Variants in TRIP12 observed in about 807,000 individuals in gnomAD.
TRIP12 encodes the protein E3 ubiquitin-protein ligase TRIP12.
A neutral mutation model predicts 244.2 loss-of-function variants in TRIP12; 25 were observed. The ratio of observed to expected loss-of-function variants is 0.10; its 90% CI spans 0.07 to 0.14. TRIP12 has a LOEUF of 0.14. Among genes scored for constraint, TRIP12 ranks in the 10% least tolerant of loss-of-function variants. The pLI, the probability that TRIP12 is intolerant of heterozygous loss-of-function variation, is 1.00. For synonymous variants in TRIP12, 905 were observed against 873.1 expected, an observed-to-expected ratio of 1.04 and a Z score of -0.64; for missense variants, 1,677 against 2,486.4, an observed-to-expected ratio of 0.67 and a Z score of 6.92.
intron 1 of TRIP12, among the ~76,000 whole-genome samples, chr2:229,884,205 TAAAC>T (rs942554884): frequency 2.0e-5 from 3 of 151,378 alleles, no homozygotes; most frequent in African/African-American, 7.3e-5. Context: ...AAGGAAAACT[TAAAC>T]TAAAAACATT....
chr2:229,862,068 G>A (rs907734201), intron 2 of TRIP12, among the ~76,000 whole-genome samples: 2 of 151,802 alleles, frequency 1.3e-5, no homozygotes, highest in Non-Finnish European at 2.9e-5. Context: ...TTTATTTTTT[G>A]GTGTTTCAGA....
rs537366658 is a variant in TRIP12, at chr2:229,901,317, G to A, written c.-50+20563C>T. Among the ~76,000 whole-genome samples, 9 of 151,896 alleles carry A rather than the reference G, an allele frequency of 5.9e-5. No individual in the cohort carries two copies. The South Asian group carries it at 8.3e-4, about 14-fold the overall frequency. On this transcript the variant is annotated intron_variant, in intron 1 of 41. Coordinates refer to ENST00000675903, the MANE Select transcript of TRIP12 (RefSeq NM_001348323.3). ...GTATTACATAATAAGGAAAACTTTG[G>A]CCAGGCGCAGTGGCTCACTTTGGCC... is the stretch of plus-strand genomic sequence containing the variant.
chr2:229,796,851 T>A, intron 24 of TRIP12, 69 bp from the exon 25 acceptor site: 1 of 1,368,792 alleles, frequency 7.3e-7, no homozygotes, highest in Non-Finnish European at 9.9e-7. Flanking sequence ...AACTCACATA[T>A]CCTCAAAAGG....
intron 4 of TRIP12, among the ~76,000 whole-genome samples, chr2:229,848,565 A>G (rs1456193109): frequency 1.3e-5 from 2 of 152,196 alleles, no homozygotes; most frequent in Admixed American, 1.3e-4. Flanking sequence ...AAGCAATGTC[A>G]AACAGTAAGA....
At chr2:229,830,351 C>G (rs1343041837) in intron 7 of TRIP12, among the ~76,000 whole-genome samples, 4 of 152,202 alleles carry the variant, frequency 2.6e-5, no homozygotes, top group African/African-American at 9.6e-5. Flanking sequence ...ATATAAATAA[C>G]TCCCACATTC....
chr2:229,899,903 C>G (rs2070127080), intron 1 of TRIP12, among the ~76,000 whole-genome samples: 1 of 152,168 alleles, frequency 6.6e-6, no homozygotes. Flanking sequence ...AACCCAAATA[C>G]ACAATTCACA....
intron 39 of TRIP12, among the ~76,000 whole-genome samples, chr2:229,769,993 C>CA (rs1202646347): frequency 2.0e-5 from 3 of 152,178 alleles, no homozygotes; most frequent in African/African-American, 7.2e-5. Context: ...TATTTAAAGA[C>CA]AAAGCTTTGC....
chr2:229,814,482 T>C lies in TRIP12; in HGVS notation c.1732-157A>G, dbSNP rs1366906356. 8.3e-6 allele frequency: 5 copies of C among 603,048 alleles called. No individual in the cohort carries two copies. The African/African-American group carries it at 9.3e-5, about 11-fold the overall frequency. The allele number at this position is 603,048 out of a possible 1,614,324, so 37.4% of individuals were successfully genotyped here. On this transcript the variant is annotated intron_variant, in intron 11 of 41. Coordinates refer to ENST00000675903, the MANE Select transcript of TRIP12 (RefSeq NM_001348323.3). ...TCACTTAGCAGCTTAAGCTACAAAG[T>C]ATAGCCAAAACAGTTTCCTTCTAAC... is the stretch of plus-strand genomic sequence containing the variant.
intron 34 of TRIP12, among the ~76,000 whole-genome samples, chr2:229,783,627 C>A (rs949652871): frequency 6.6e-6 from 1 of 152,048 alleles, no homozygotes; most frequent in Non-Finnish European, 1.5e-5. Context: ...ATTAAAGATT[C>A]AGATAAGTGT....
Position 229,804,030 on chromosome 2 carries a change from T to G in TRIP12, c.2848A>C (p.Lys950Gln). The change falls in exon 19 of 42, where the codon AAG becomes CAG. Residue 950 changes from lysine to glutamine, a missense_variant. Lys to Gln is a moderately conservative substitution (Grantham distance 53). Transcript: ENST00000675903. Reference sequence around the variant, plus strand: ...ACAGCATGATTTTTCAGAACATCCTTCAGAAGTTCAGCATCCGCAAAATAA... The same window carrying G: ...ACAGCATGATTTTTCAGAACATCCTGCAGAAGTTCAGCATCCGCAAAATAA... ...IIYFADAELL[K>Q]DVLKNHAVSS... 1.2e-6 allele frequency: 2 copies of G among 1,613,890 alleles called. No homozygotes were observed. Among genetic ancestry groups the G allele is most frequent in the Non-Finnish European group, 1.7e-6 (2 of 1,179,884 alleles).
intron 4 of TRIP12, among the ~76,000 whole-genome samples, chr2:229,858,155 GA>G (rs1438912510): frequency 4.6e-5 from 7 of 152,174 alleles, no homozygotes; most frequent in Non-Finnish European, 1.0e-4. Flanking sequence ...CTTGAGGTCA[GA>G]AGTTTGAGAC....
At chr2:229,816,696 C>T (rs1165176149) in intron 9 of TRIP12, among the ~76,000 whole-genome samples, 1 of 152,188 alleles carries the variant, frequency 6.6e-6, no homozygotes, top group East Asian at 1.9e-4. Flanking sequence ...GTCAACATTT[C>T]TGCCTAGACT....
At chr2:229,792,929 C>A in intron 27 of TRIP12, 44 bp downstream of exon 27, 1 of 1,556,506 alleles carries the variant, frequency 6.4e-7, no homozygotes, top group Non-Finnish European at 8.7e-7. Flanking sequence ...AAATTTCTCC[C>A]AAATATACAT....
At chr2:229,782,442 G>C (rs1299297525) in intron 34 of TRIP12, among the ~76,000 whole-genome samples, 1 of 152,024 alleles carries the variant, frequency 6.6e-6, no homozygotes, top group Non-Finnish European at 1.5e-5. Flanking sequence ...GACATCTTGA[G>C]GACAGCACTC....
At chr2:229,848,001 A>G (rs1214231733) in intron 4 of TRIP12, among the ~76,000 whole-genome samples, 2 of 152,114 alleles carry the variant, frequency 1.3e-5, no homozygotes, top group South Asian at 2.1e-4. Context: ...CTCTTCTCCC[A>G]CTTGGCCCCC....
chr2:229,904,130 A>C (rs527498080), intron 1 of TRIP12, among the ~76,000 whole-genome samples: 1 of 152,174 alleles, frequency 6.6e-6, no homozygotes, highest in Non-Finnish European at 1.5e-5. Flanking sequence ...ATTATTAACA[A>C]TAGTTTCTGG....
chr2:229,859,287 G>A lies in TRIP12; in HGVS notation c.512C>T (p.Ser171Leu), dbSNP rs1319454360. ...EQQLKSAQSP[S>L]TSKAHTRKSG... Reference sequence around the variant, plus strand: ...CTTCCTGGTATGAGCCTTGCTTGTTGATGGTGATTGTGCAGATTTCAGTTG... The same window carrying A: ...CTTCCTGGTATGAGCCTTGCTTGTTAATGGTGATTGTGCAGATTTCAGTTG... The change falls in exon 4 of 42, where the codon TCA becomes TTA. Residue 171 changes from serine (S) to leucine (L), a missense_variant. Ser to Leu is a moderately radical substitution (Grantham distance 145). Around this residue, in one of 11 missense-constraint regions of TRIP12, gnomAD observed 387 missense variants for 392.6 expected, o/e 0.99. Transcript: ENST00000675903. 3 of 1,614,220 alleles carry A rather than the reference G, an allele frequency of 1.9e-6. No individual in the cohort carries two copies. Among genetic ancestry groups the A allele is most frequent in the Non-Finnish European group, 2.5e-6 (3 of 1,180,052 alleles).
At chr2:229,868,495 G>A (rs1282387010) in intron 2 of TRIP12, among the ~76,000 whole-genome samples, 2 of 152,052 alleles carry the variant, frequency 1.3e-5, no homozygotes, top group Non-Finnish European at 2.9e-5. Flanking sequence ...GAGACACTGC[G>A]CCCAACCAAT....
At chr2:229,842,477 T>C (rs2056661203) in intron 4 of TRIP12, among the ~76,000 whole-genome samples, 1 of 152,226 alleles carries the variant, frequency 6.6e-6, no homozygotes, top group African/African-American at 2.4e-5. Context: ...TATTCAATTT[T>C]ACACTTGCTT....
Sources: gnomAD v4.1 joint callset for allele counts (sites outside exome capture counted in the v4.1 genomes callset) on GRCh38, gnomAD v4.1.1 for gene constraint, gnomAD v4.1.1 regional missense constraint, MANE v1.5 for transcripts, NCBI Gene and HGNC (gene_info 2026-07-23, HGNC 2026-07-21) for gene names.